The following PTPN2 variants were observed in gnomAD, a reference collection of about 807,000 sequenced individuals.
PTPN2 encodes the protein tyrosine-protein phosphatase non-receptor type 2.
Under a neutral mutation model 57.3 loss-of-function variants are expected in PTPN2, and 19 were observed. That is an observed-to-expected ratio of 0.33 (90% confidence interval 0.23 to 0.49). PTPN2 has a LOEUF of 0.49. PTPN2 is among the 20% of genes least tolerant of loss of function. PTPN2 has a pLI of 0.99. For missense variants in PTPN2, 358 were observed against 501.1 expected, an observed-to-expected ratio of 0.71 and a Z score of 2.73; for synonymous variants, 153 against 164.9, an observed-to-expected ratio of 0.93 and a Z score of 0.55.
rs900374612 is a variant in PTPN2 at position 12,793,711 on chromosome 18, G to A, written c.*567C>T. ...AATCGACATACAATTTATTTTTTTA[G>A]TAACAGATTTTTCAAATTGAGCTCT... On this transcript the variant is annotated 3_prime_UTR_variant, in exon 9 of 9. Coordinates refer to ENST00000309660, the MANE Select transcript of PTPN2 (RefSeq NM_002828.4). 10 of 972,410 alleles carry A rather than the reference G, an allele frequency of 1.0e-5. No individual in the cohort carries two copies. Among genetic ancestry groups the A allele is most frequent in the Middle Eastern group, 5.2e-4 (1 of 1,922 alleles). The allele number at this position is 972,410 out of a possible 1,614,324, so 60.2% of individuals were successfully genotyped here.
In PTPN2 at chr18:12,793,965, T is replaced by C. The variant is rs1376213875; in HGVS notation, c.*313A>G. The C allele has an allele frequency of 1.3e-5, 15 of 1,184,608 alleles. No homozygotes were observed. Among genetic ancestry groups the C allele is most frequent in the Non-Finnish European group, 1.6e-5 (15 of 954,470 alleles). 73.4% of individuals were successfully genotyped at this position (1,184,608 alleles called of 1,614,324 possible). On this transcript the variant is annotated 3_prime_UTR_variant, in exon 9 of 9. Transcript: ENST00000309660. Reference sequence around the variant, plus strand: ...TAGCCTCCAAAAACAAATCCTGTGATAAAGGATATCTCAATGTTGGTCAGG... The same window carrying C: ...TAGCCTCCAAAAACAAATCCTGTGACAAAGGATATCTCAATGTTGGTCAGG...
chr18:12,816,980 T>G (rs1159175211), intron 6 of PTPN2, among the ~76,000 whole-genome samples, 176 bp downstream of exon 6: 1 of 152,076 alleles, frequency 6.6e-6, no homozygotes, highest in Non-Finnish European at 1.5e-5. Context: ...CTACCAGTCA[T>G]GAATAAGAGG....
chr18:12,831,080 G>A lies in PTPN2; in HGVS notation c.262-39C>T, dbSNP rs1477386722. 2.8e-6 allele frequency: 4 copies of A among 1,421,926 alleles called. No homozygotes were observed. In the Admixed American group the frequency reaches 5.1e-5, roughly 18 times the overall value. 88.1% of individuals were successfully genotyped at this position (1,421,926 alleles called of 1,614,324 possible). On this transcript the variant is annotated intron_variant, in intron 3 of 8. Transcript: ENST00000309660. The stretch of plus-strand genomic sequence containing the variant: ...GGAGAGAGAGCAGATGAGGGAAGCA[G>A]ACAGAAAGAGCAAGGCTCCAGGAAG...
In PTPN2 at chr18:12,836,809, C is replaced by T. The variant is rs2042881619; in HGVS notation, c.243G>A (p.Arg81=). Residue 81 remains arginine, a synonymous_variant, in exon 3 of 9, where the codon AGG becomes AGA. Coordinates refer to ENST00000309660, the MANE Select transcript of PTPN2 (RefSeq NM_002828.4). ...ASLVDIEEAQ[R]SYILTQGPLP... is the part of the protein sequence containing the mutation. ...TACTTGCCTGTGTTAAGATGTAACT[C>T]CTTTGTGCCTCTTCTATGTCAACTA... 6.2e-7 allele frequency: 1 copy of T among 1,605,552 alleles called. No individual in the cohort carries two copies. The highest frequency in any genetic ancestry group is 1.3e-5 in the African/African-American group (1 of 74,834).
At chr18:12,871,830 T>G (rs1167935202) in intron 1 of PTPN2, among the ~76,000 whole-genome samples, 2 of 152,034 alleles carry the variant, frequency 1.3e-5, no homozygotes, top group South Asian at 2.1e-4. Flanking sequence ...GGCTGATCAC[T>G]TGAAGTCAGG....
chr18:12,840,822 T>C, intron 2 of PTPN2: 1 of 1,597,922 alleles, frequency 6.3e-7, no homozygotes, highest in Non-Finnish European at 8.5e-7. Context: ...TTCACGTTGC[T>C]CTCCACTCAG....
chr18:12,822,434 A>G, intron 5 of PTPN2, among the ~76,000 whole-genome samples: 1 of 152,184 alleles, frequency 6.6e-6, no homozygotes. Context: ...ATCCCTCAAA[A>G]TTATCTCCAT....
chr18:12,809,326 C>T (rs2041811450), intron 7 of PTPN2, among the ~76,000 whole-genome samples: 1 of 152,214 alleles, frequency 6.6e-6, no homozygotes, highest in Non-Finnish European at 1.5e-5. Flanking sequence ...TCACTTGTCA[C>T]CATTCCTAGG....
In PTPN2 at chr18:12,793,694, T is replaced by A; in HGVS notation, c.*584A>T. ...TGTATCCAGTACAATTCAATCGACA[T>A]ACAATTTATTTTTTTAGTAACAGAT... is the stretch of plus-strand genomic sequence containing the variant. On this transcript the variant is annotated 3_prime_UTR_variant, in exon 9 of 9. Coordinates refer to ENST00000309660, the MANE Select transcript of PTPN2 (RefSeq NM_002828.4). 1 of 982,376 alleles carries A rather than the reference T, an allele frequency of 1.0e-6. No homozygotes were observed. Among genetic ancestry groups the A allele is most frequent in the Non-Finnish European group, 1.2e-6 (1 of 826,454 alleles). 60.9% of individuals were successfully genotyped at this position (982,376 alleles called of 1,614,324 possible). A position where few individuals can be genotyped will look rare whatever the true frequency, so the allele number is the denominator to read the frequency against.
At chr18:12,860,884 T>TC (rs748240017) in intron 1 of PTPN2, among the ~76,000 whole-genome samples, 4 of 152,100 alleles carry the variant, frequency 2.6e-5, no homozygotes, top group Non-Finnish European at 5.9e-5. Flanking sequence ...TTCTAAGAAT[T>TC]CAAGTAAATA....
chr18:12,794,252 G>T lies in PTPN2; in HGVS notation c.*26C>A. 6.2e-7 allele frequency: 1 copy of T among 1,613,780 alleles called. No individual in the cohort carries two copies. Among genetic ancestry groups the T allele is most frequent in the Non-Finnish European group, 8.5e-7 (1 of 1,179,878 alleles). On this transcript the variant is annotated 3_prime_UTR_variant, in exon 9 of 9. Transcript: ENST00000309660. ...TGTAGCACTGTCAGTTACTAGTGCAGAAGCTTGCTGGGCAAAATTAATTGT... is the reference window on the plus strand; with the variant it reads ...TGTAGCACTGTCAGTTACTAGTGCATAAGCTTGCTGGGCAAAATTAATTGT...
chr18:12,873,215 C>CGT (rs757824196), intron 1 of PTPN2, among the ~76,000 whole-genome samples: 14 of 149,796 alleles, frequency 9.3e-5, no homozygotes, highest in Non-Finnish European at 2.1e-4. Context: ...AGTAAGACTC[C>CGT]GTCTCAAGAA....
At chr18:12,847,757 G>C (rs1027966353) in intron 2 of PTPN2, among the ~76,000 whole-genome samples, 1 of 151,396 alleles carries the variant, frequency 6.6e-6, no homozygotes, top group African/African-American at 2.4e-5. Flanking sequence ...CAAGTAGCTG[G>C]GATTACAGAT....
chr18:12,834,879 TA>T (rs1208237930), intron 3 of PTPN2, among the ~76,000 whole-genome samples: 1 of 152,130 alleles, frequency 6.6e-6, no homozygotes, highest in Non-Finnish European at 1.5e-5. Context: ...TTTTTTAATG[TA>T]ATTAGTTGTC....
At chr18:12,856,057 T>C (rs1374030387) in intron 2 of PTPN2, among the ~76,000 whole-genome samples, 1 of 152,178 alleles carries the variant, frequency 6.6e-6, no homozygotes, top group Admixed American at 6.5e-5. Context: ...GTTTCAGATT[T>C]CAGAGGTGAA....
downstream of PTPN2, among the ~76,000 whole-genome samples, chr18:12,789,136 A>G (rs1357984656): frequency 1.3e-5 from 2 of 152,168 alleles, no homozygotes; most frequent in Non-Finnish European, 2.9e-5. Flanking sequence ...GTCACCCCTT[A>G]TACATATTCA....
At chr18:12,798,937 T>C (rs1381784253) in intron 8 of PTPN2, among the ~76,000 whole-genome samples, 2 of 152,232 alleles carry the variant, frequency 1.3e-5, no homozygotes, top group Admixed American at 1.3e-4. Context: ...CATGTTATTA[T>C]TTGTGATATG....
intron 1 of PTPN2, among the ~76,000 whole-genome samples, chr18:12,874,888 T>C (rs2044433768): frequency 1.3e-5 from 2 of 152,142 alleles, no homozygotes; most frequent in Non-Finnish European, 2.9e-5. Flanking sequence ...GGGAAAAGAT[T>C]GAGAAATCGG....
chr18:12,793,978 A>G lies in PTPN2; in HGVS notation c.*300T>C, dbSNP rs944687480. ...CAAATCCTGTGATAAAGGATATCTC[A>G]ATGTTGGTCAGGTGAAATACTGTGT... On this transcript the variant is annotated 3_prime_UTR_variant, in exon 9 of 9. Transcript: ENST00000309660. The G allele has an allele frequency of 5.8e-5, 71 of 1,221,702 alleles. No homozygotes were observed. In the African/African-American group the frequency reaches 1.0e-3, roughly 18 times the overall value. The allele number at this position is 1,221,702 out of a possible 1,614,324, so 75.7% of individuals were successfully genotyped here. A position where few individuals can be genotyped will look rare whatever the true frequency, so the allele number is the denominator to read the frequency against.
Sources: gnomAD v4.1 joint callset for allele counts (sites outside exome capture counted in the v4.1 genomes callset) on GRCh38, gnomAD v4.1.1 for gene constraint, MANE v1.5 for transcripts, NCBI Gene and HGNC (gene_info 2026-07-23, HGNC 2026-07-21) for gene names.